FAM234A: variants seen among roughly 807,000 people sequenced by gnomAD.
FAM234A encodes the protein protein FAM234A.
A neutral mutation model predicts 49.1 loss-of-function variants in FAM234A; 42 were observed. The observed-to-expected ratio is 0.86, with a 90% CI of 0.67 to 1.11. The LOEUF is 1.11. FAM234A is among the 50% of genes least tolerant of loss of function. The probability of loss-of-function intolerance (pLI) is 0.00; values close to 1 mark genes in which losing one functional copy is unlikely to be tolerated. For missense variants in FAM234A, 815 were observed against 745.2 expected (o/e 1.09, Z -1.09); for synonymous variants, 369 against 316.2 (o/e 1.17, Z -1.77).
chr16:260,127 C>G lies in FAM234A; in HGVS notation c.544C>G (p.Pro182Ala), dbSNP rs766619616. 2 of 1,613,834 alleles carry G rather than the reference C, an allele frequency of 1.2e-6. No homozygotes were observed. The highest frequency in any genetic ancestry group is 1.7e-6 in the Non-Finnish European group (2 of 1,180,026). Residue 182 changes from proline (P) to alanine (A), a missense_variant, in exon 5 of 13, where the codon CCC (proline) becomes GCC (alanine). Coordinates refer to ENST00000399932, the MANE Select transcript of FAM234A (RefSeq NM_032039.4). Reference protein sequence around the residue: ...APSACILVGRPSSFIAVNLFT... With the variant: ...APSACILVGRASSFIAVNLFT... Reference sequence around the variant, plus strand: ...TTCTGCCTGCATCCTGGTGGGCAGACCCAGTTCTTTCATTGCAGTCAACTT... The same window carrying G: ...TTCTGCCTGCATCCTGGTGGGCAGAGCCAGTTCTTTCATTGCAGTCAACTT...
intron 1 of FAM234A, among the ~76,000 whole-genome samples, chr16:243,243 C>T (rs994179442): frequency 6.6e-6 from 1 of 152,108 alleles, no homozygotes; most frequent in African/African-American, 2.4e-5. Flanking sequence ...CCTCCCAAAG[C>T]ACTAGGATTA....
rs150129313 is a variant in FAM234A, at chr16:260,645, C to CACGG, written c.577+486_577+489dup. The CACGG allele has an allele frequency of 8.1e-3, 3,830 of 472,642 alleles. 30 individuals are homozygous for CACGG. Among genetic ancestry groups the CACGG allele is most frequent in the Non-Finnish European group, 0.013 (2,955 of 228,114 alleles). The allele number at this position is 472,642 out of a possible 1,614,324, so 29.3% of individuals were successfully genotyped here. On this transcript the variant is annotated intron_variant, in intron 5 of 12. Transcript: ENST00000399932. ...AGGACGAGGGAAAGAATGCGTGGTG[C>CACGG]ACGGGGCCATGTGTGTGTGTGGGCT...
intron 1 of FAM234A, among the ~76,000 whole-genome samples, chr16:245,861 A>G (rs1335241739): frequency 6.6e-6 from 1 of 152,150 alleles, no homozygotes. Flanking sequence ...CCCTAACAAT[A>G]CATAAACATT....
chr16:264,131 T>C lies in FAM234A; in HGVS notation c.1304T>C (p.Phe435Ser). The C allele has an allele frequency of 6.2e-7, 1 of 1,609,412 alleles. No homozygotes were observed. Among genetic ancestry groups the C allele is most frequent in the Non-Finnish European group, 8.5e-7 (1 of 1,179,668 alleles). The change falls in exon 11 of 13, where the codon TTC becomes TCC. Residue 435 changes from phenylalanine to serine, a missense_variant. By Grantham distance (155) the Phe-to-Ser change is radical (BLOSUM62 -2). Coordinates refer to ENST00000399932, the MANE Select transcript of FAM234A (RefSeq NM_032039.4). ...LPTADHRSAF[F>S]FWGLHELGST... ...ACCGCAGACCACCGCTCAGCCTTCT[T>C]CTTCTGGGGCCTCCACGAGCTGGGG...
intron 8 of FAM234A, 38 bp downstream of exon 8, chr16:262,591 C>A: frequency 6.5e-7 from 1 of 1,538,188 alleles, no homozygotes; most frequent in South Asian, 1.2e-5. Context: ...TGCAGAGCGC[C>A]CACCCCATGG....
At chr16:259,296 A>G (rs1359435968) in intron 3 of FAM234A, among the ~76,000 whole-genome samples, 187 bp from the exon 4 acceptor site, 2 of 152,058 alleles carry the variant, frequency 1.3e-5, no homozygotes, top group Non-Finnish European at 2.9e-5. Context: ...AACACTAGGC[A>G]TTGTTGCCCA....
rs944943415 is a variant in FAM234A, at chr16:264,338, C to T, written c.1344+167C>T. Among the ~76,000 whole-genome samples, 6 of 152,210 alleles carry T rather than the reference C, an allele frequency of 3.9e-5. No homozygotes were observed. In the East Asian group the frequency reaches 9.6e-4, roughly 24 times the overall value. On this transcript the variant is annotated intron_variant, in intron 11 of 12. Transcript: ENST00000399932. The stretch of plus-strand genomic sequence containing the variant: ...GTGGTGCAAGCTGAGGCAAAGTGAC[C>T]TTAGAGGGGTCCAGCGAGAAGGGGC...
chr16:256,358 G>C (rs1049035595), intron 3 of FAM234A, among the ~76,000 whole-genome samples: 1 of 152,074 alleles, frequency 6.6e-6, no homozygotes, highest in Non-Finnish European at 1.5e-5. Context: ...TTAGTTTCTT[G>C]TTATTGTCTG....
intron 5 of FAM234A, chr16:260,568 C>T (rs746041962): frequency 2.1e-6 from 1 of 477,818 alleles, no homozygotes; most frequent in East Asian, 6.8e-5. Context: ...TGTCAGTGCC[C>T]CTAAGCCTGA....
chr16:268,311 C>T (rs1238031139), downstream of FAM234A: 1 of 244,970 alleles, frequency 4.1e-6, no homozygotes, highest in Non-Finnish European at 8.1e-6. Flanking sequence ...GCAGGATGGG[C>T]TCAGAGCCAG....
At position 263,255 on chromosome 16, in the gene FAM234A, T is replaced by C. The variant is rs1186289692; in HGVS notation, c.972-7T>C. On this transcript the variant is annotated splice_region_variant and splice_polypyrimidine_tract_variant and intron_variant, in intron 8 of 12. Coordinates refer to ENST00000399932, the MANE Select transcript of FAM234A (RefSeq NM_032039.4). ...CCGGCGCCCCTTTCTCCCACTCTCC[T>C]GTCTAGCTCTGGAGCAGTGCGCTAC... The C allele has an allele frequency of 1.9e-6, 3 of 1,611,774 alleles. No individual in the cohort carries two copies. Among genetic ancestry groups the C allele is most frequent in the African/African-American group, 1.3e-5 (1 of 75,044 alleles).
Position 238,782 on chromosome 16 carries a change from A to G in FAM234A, c.-140+3925A>G, listed in dbSNP as rs554704444. ...CTCCGTCTCAAAAAAAAAAAAAAAA[A>G]AAAAGAAAAAAAAAATCCCTGGCTG... On this transcript the variant is annotated intron_variant, in intron 1 of 12. Transcript: ENST00000399932. Among the ~76,000 whole-genome samples the G allele has an allele frequency of 2.2e-3, 306 of 137,578 alleles. 12 individuals are homozygous for G. The South Asian group carries it at 0.064, about 29-fold the overall frequency. 90.3% of individuals were successfully genotyped at this position (137,578 alleles called of 152,430 possible). A position where few individuals can be genotyped will look rare whatever the true frequency, so the allele number is the denominator to read the frequency against.
At chr16:250,144 G>A (rs2050949936) in intron 2 of FAM234A, among the ~76,000 whole-genome samples, 1 of 152,172 alleles carries the variant, frequency 6.6e-6, no homozygotes, top group Non-Finnish European at 1.5e-5. Context: ...TGTTAGCCAG[G>A]ATGCTCTAGA....
At chr16:241,313 G>A (rs1234927340) in intron 1 of FAM234A, among the ~76,000 whole-genome samples, 2 of 151,964 alleles carry the variant, frequency 1.3e-5, no homozygotes, top group Non-Finnish European at 1.5e-5. Context: ...TGGGCACGGT[G>A]GTTCACACCT....
Position 263,725 on chromosome 16 carries a change from C to T in FAM234A, c.1138C>T (p.Pro380Ser). The T allele has an allele frequency of 6.2e-7, 1 of 1,614,062 alleles. No homozygotes were observed. Among genetic ancestry groups the T allele is most frequent in the South Asian group, 1.1e-5 (1 of 91,084 alleles). ...AAAACCCATCTTCGGCCGCTACAAA[C>T]CAGACACCTTGGCTGTAGCCGTTGA... ...LRKPIFGRYK[P>S]DTLAVAVENG... The change falls in exon 10 of 13, where the codon CCA becomes TCA. Residue 380 changes from proline (P) to serine (S), a missense_variant. Transcript: ENST00000399932.
intron 2 of FAM234A, chr16:254,131 A>ATGAAAATAGTTCCTGCC (rs1330010284): frequency 6.8e-6 from 3 of 442,092 alleles, no homozygotes; most frequent in African/African-American, 6.0e-5. Flanking sequence ...CGTGTTCTGG[A>ATGAAAATAGTTCCTGCC]TGAAAATAGT....
At position 254,499 on chromosome 16, in the gene FAM234A, C is replaced by CA. The variant is rs755827227; in HGVS notation, c.92dup (p.Asn31LysfsTer2). 7.9e-5 allele frequency: 128 copies of CA among 1,614,086 alleles called. No individual in the cohort carries two copies. In the East Asian group the frequency reaches 2.8e-3, roughly 36 times the overall value. ...TCGCAGGAAAATCTGGGAAATCCAT[C>CA]AAAAAATGAGGATAACGTGAAAAGC... On this transcript the variant is annotated frameshift_variant, in exon 3 of 13. Transcript: ENST00000399932. LOFTEE classifies it high-confidence loss of function.
At chr16:238,626 C>T (rs1054986495) in intron 1 of FAM234A, among the ~76,000 whole-genome samples, 6 of 150,954 alleles carry the variant, frequency 4.0e-5, no homozygotes, top group East Asian at 2.0e-4. Flanking sequence ...ATTAGCCAGG[C>T]GTGGTGACGG....
At chr16:256,185 G>T (rs571325321) in intron 3 of FAM234A, among the ~76,000 whole-genome samples, 2 of 152,170 alleles carry the variant, frequency 1.3e-5, no homozygotes, top group Non-Finnish European at 2.9e-5. Context: ...GCAGATCTTC[G>T]TGTGGATATG....
Sources: gnomAD v4.1 joint callset for allele counts (sites outside exome capture counted in the v4.1 genomes callset) on GRCh38, gnomAD v4.1.1 for gene constraint, MANE v1.5 for transcripts, NCBI Gene and HGNC (gene_info 2026-07-23, HGNC 2026-07-21) for gene names.